MED27: variants seen among roughly 807,000 people sequenced by gnomAD.
MED27 encodes mediator of RNA polymerase II transcription subunit 27.
A neutral mutation model predicts 38.2 loss-of-function variants in MED27; 30 were observed. The observed-to-expected ratio is 0.79, with a 90% CI of 0.59 to 1.07. MED27 has a LOEUF of 1.07. Ranked by LOEUF, MED27 falls within the 50% of genes least tolerant of loss-of-function variation. The probability of loss-of-function intolerance (pLI) is 0.00; values close to 1 mark genes in which losing one functional copy is unlikely to be tolerated. For synonymous variants in MED27, 122 were observed against 153.5 expected, an observed-to-expected ratio of 0.79 and a Z score of 1.52; for missense variants, 289 against 397.5, an observed-to-expected ratio of 0.73 and a Z score of 2.32.
At chr9:131,895,558 T>G (rs1276195068) in intron 4 of MED27, among the ~76,000 whole-genome samples, 2 of 152,224 alleles carry the variant, frequency 1.3e-5, no homozygotes, top group African/African-American at 4.8e-5. Flanking sequence ...TTTGATTCCT[T>G]CAATAATTTC....
chr9:131,947,636 G>T (rs371024252), intron 3 of MED27, among the ~76,000 whole-genome samples: 2 of 151,838 alleles, frequency 1.3e-5, no homozygotes, highest in East Asian at 3.8e-4. Context: ...ATAATTTACT[G>T]GACAGATGGC....
rs1483824272 is a variant in MED27 at position 131,987,716 on chromosome 9, G to A, written c.479+26621C>T. On this transcript the variant is annotated intron_variant, in intron 3 of 7. Coordinates refer to ENST00000292035, the MANE Select transcript of MED27 (RefSeq NM_004269.4). ...GCTGTCAGGAGGACAATATTTTGAC[G>A]CAATAACAGGCAATTAAAATGCTAT... is the stretch of plus-strand genomic sequence containing the variant. 1.3e-5 allele frequency among the ~76,000 whole-genome samples: 2 copies of A among 150,698 alleles called. 1 individual carries two copies. The highest frequency in any genetic ancestry group is 2.9e-5 in the Non-Finnish European group (2 of 68,022).
At chr9:131,919,359 G>A (rs557994721) in intron 4 of MED27, among the ~76,000 whole-genome samples, 1 of 152,286 alleles carries the variant, frequency 6.6e-6, no homozygotes, top group South Asian at 2.1e-4. Flanking sequence ...TTGGCTACAG[G>A]GAGGTTGGAG....
At chr9:132,004,102 C>CG (rs1832301266) in intron 3 of MED27, among the ~76,000 whole-genome samples, 1 of 152,176 alleles carries the variant, frequency 6.6e-6, no homozygotes, top group South Asian at 2.1e-4. Context: ...GGAAACCCCC[C>CG]GGGACGCAGC....
rs1831673939 is a variant in MED27 at position 131,979,021 on chromosome 9, T to G, written c.479+35316A>C. ...TTATGTAAAGAAATGAATTATCATC[T>G]TTACATACATAAGATTAGCTACAAC... On this transcript the variant is annotated intron_variant, in intron 3 of 7. Transcript: ENST00000292035. Among the ~76,000 whole-genome samples, 2 of 152,240 alleles carry G rather than the reference T, an allele frequency of 1.3e-5. 1 individual carries two copies. The highest frequency in any genetic ancestry group is 3.8e-4 in the East Asian group (2 of 5,202).
intron 4 of MED27, among the ~76,000 whole-genome samples, chr9:131,930,560 C>A (rs888646060): frequency 6.6e-6 from 1 of 151,930 alleles, no homozygotes; most frequent in Non-Finnish European, 1.5e-5. Context: ...CTTTTTCAGA[C>A]AAACAAAACC....
chr9:132,014,308 T>C (rs745451508), intron 3 of MED27, 29 bp downstream of exon 3: 11 of 1,602,892 alleles, frequency 6.9e-6, no homozygotes, highest in Non-Finnish European at 9.4e-6. Context: ...CACCCAGTAC[T>C]AAAGTAATTT....
chr9:131,931,353 G>C (rs1360193453), intron 4 of MED27, among the ~76,000 whole-genome samples: 1 of 151,628 alleles, frequency 6.6e-6, no homozygotes, highest in Non-Finnish European at 1.5e-5. Flanking sequence ...ATATACAATG[G>C]ACACACAAAA....
intron 2 of MED27, among the ~76,000 whole-genome samples, chr9:132,046,852 C>A (rs2131129448): frequency 6.6e-6 from 1 of 152,278 alleles, no homozygotes; most frequent in African/African-American, 2.4e-5. Flanking sequence ...GTCACAAATA[C>A]AACTGTGAAA....
chr9:131,963,119 T>C (rs1469391235), intron 3 of MED27, among the ~76,000 whole-genome samples: 2 of 152,200 alleles, frequency 1.3e-5, no homozygotes, highest in Non-Finnish European at 2.9e-5. Context: ...CTAAACTATT[T>C]CCAAGCCATA....
chr9:131,985,332 A>C (rs1002719739), intron 3 of MED27, among the ~76,000 whole-genome samples: 62 of 152,340 alleles, frequency 4.1e-4, no homozygotes, highest in African/African-American at 1.5e-3. Flanking sequence ...CCTGCTCCCA[A>C]ATAAGATGAG....
At chr9:131,985,435 T>A (rs564484284) in intron 3 of MED27, among the ~76,000 whole-genome samples, 1 of 152,258 alleles carries the variant, frequency 6.6e-6, no homozygotes, top group South Asian at 2.1e-4. Context: ...CGCATAACAG[T>A]GTTTTGGTGA....
At chr9:131,925,044 C>T (rs1362381951) in intron 4 of MED27, among the ~76,000 whole-genome samples, 1 of 152,062 alleles carries the variant, frequency 6.6e-6, no homozygotes, top group East Asian at 1.9e-4. Context: ...CATCACTTTC[C>T]CCAGGTTGTG....
intron 3 of MED27, among the ~76,000 whole-genome samples, chr9:131,952,197 G>C (rs575554622): frequency 7.1e-4 from 108 of 152,348 alleles, no homozygotes; most frequent in African/African-American, 2.5e-3. Flanking sequence ...GAGACTCAGA[G>C]GGCAGGAGAA....
intron 3 of MED27, among the ~76,000 whole-genome samples, chr9:131,984,904 C>T (rs1831815821): frequency 6.6e-6 from 1 of 152,128 alleles, no homozygotes; most frequent in South Asian, 2.1e-4. Flanking sequence ...GCCTTGAGCT[C>T]AACCTTATCT....
intron 2 of MED27, among the ~76,000 whole-genome samples, chr9:132,039,697 G>A (rs563442984): frequency 6.6e-6 from 1 of 152,240 alleles, no homozygotes; most frequent in Admixed American, 6.5e-5. Flanking sequence ...AGGACGAGTG[G>A]AAGAGGACCC....
intron 6 of MED27, among the ~76,000 whole-genome samples, chr9:131,870,690 C>T (rs1002232207): frequency 1.2e-4 from 19 of 152,132 alleles, no homozygotes; most frequent in African/African-American, 4.1e-4. Flanking sequence ...CATTTCCAGG[C>T]CCTCTCCTCC....
chr9:131,953,785 T>C (rs958136470), intron 3 of MED27, among the ~76,000 whole-genome samples: 2 of 151,662 alleles, frequency 1.3e-5, no homozygotes, highest in Non-Finnish European at 2.9e-5. Flanking sequence ...GGGTTTTTTT[T>C]CCCCCACTCT....
At chr9:131,874,684 G>A (rs757622184) in intron 6 of MED27, among the ~76,000 whole-genome samples, 18 of 152,176 alleles carry the variant, frequency 1.2e-4, no homozygotes, top group Non-Finnish European at 2.4e-4. Context: ...GGCCCTGTGC[G>A]TAGCTGCGAG....
Sources: allele counts gnomAD v4.1 joint callset (sites outside exome capture counted in the v4.1 genomes callset), GRCh38; gene constraint gnomAD v4.1.1; transcripts MANE v1.5; gene names NCBI Gene and HGNC (gene_info 2026-07-23, HGNC 2026-07-21).